Variants in ALCAM observed in about 807,000 individuals in gnomAD.
The protein encoded by ALCAM is CD166 antigen.
In ALCAM, 30 loss-of-function variants were observed where a neutral mutation model predicts 70.9. The ratio of observed to expected loss-of-function variants is 0.42; its 90% CI spans 0.32 to 0.57. The LOEUF is 0.57. Among genes scored for constraint, ALCAM ranks in the 20% least tolerant of loss-of-function variants. The pLI is 0.11. For synonymous variants in ALCAM, 249 were observed against 242.5 expected, an observed-to-expected ratio of 1.03 and a Z score of -0.25; for missense variants, 591 against 695.1, an observed-to-expected ratio of 0.85 and a Z score of 1.68.
intron 1 of ALCAM, among the ~76,000 whole-genome samples, chr3:105,438,575 A>G (rs1329287870): frequency 6.6e-6 from 1 of 152,212 alleles, no homozygotes; most frequent in Non-Finnish European, 1.5e-5. Flanking sequence ...TATTATGCAA[A>G]CATTTTATTA....
intron 1 of ALCAM, among the ~76,000 whole-genome samples, chr3:105,471,917 T>C (rs1289761405): frequency 6.6e-6 from 1 of 151,382 alleles, no homozygotes; most frequent in Admixed American, 6.6e-5. Flanking sequence ...TATAAGTATG[T>C]ATTCTTTGAC....
chr3:105,516,220 C>CA (rs958212719), intron 1 of ALCAM, among the ~76,000 whole-genome samples: 8 of 151,776 alleles, frequency 5.3e-5, no homozygotes, highest in African/African-American at 1.9e-4. Context: ...GTCTATATGT[C>CA]AGGAATGCAA....
chr3:105,574,169 T>C (rs770568203), intron 15 of ALCAM, among the ~76,000 whole-genome samples: 4 of 152,028 alleles, frequency 2.6e-5, no homozygotes, highest in Non-Finnish European at 4.4e-5. Flanking sequence ...TCCCACGAAA[T>C]AGTGTGATTT....
chr3:105,448,698 G>C (rs745434791), intron 1 of ALCAM, among the ~76,000 whole-genome samples: 6 of 152,204 alleles, frequency 3.9e-5, no homozygotes, highest in Non-Finnish European at 5.9e-5. Context: ...TTCAGATGCT[G>C]ACAAGGCAAT....
intron 1 of ALCAM, among the ~76,000 whole-genome samples, chr3:105,411,710 A>G (rs1936394557): frequency 1.3e-5 from 2 of 152,078 alleles, no homozygotes; most frequent in Non-Finnish European, 2.9e-5. Context: ...GATGCTGTGT[A>G]GTCATTTGAA....
intron 1 of ALCAM, among the ~76,000 whole-genome samples, chr3:105,412,579 A>T (rs559710127): frequency 6.6e-6 from 1 of 152,234 alleles, no homozygotes; most frequent in East Asian, 1.9e-4. Flanking sequence ...TGTAATTCAG[A>T]ATCGGAATGT....
At chr3:105,541,252 T>C (rs1940108901) in intron 7 of ALCAM, among the ~76,000 whole-genome samples, 1 of 151,808 alleles carries the variant, frequency 6.6e-6, no homozygotes, top group African/African-American at 2.4e-5. Flanking sequence ...TTTTATGTTT[T>C]TTCTTTTAAT....
chr3:105,384,725 A>G (rs1172364758), intron 1 of ALCAM, among the ~76,000 whole-genome samples: 1 of 151,594 alleles, frequency 6.6e-6, no homozygotes, highest in Non-Finnish European at 1.5e-5. Context: ...ATAGTACTTT[A>G]CGAAAGAATG....
At chr3:105,479,180 A>G (rs1938201240) in intron 1 of ALCAM, among the ~76,000 whole-genome samples, 1 of 152,188 alleles carries the variant, frequency 6.6e-6, no homozygotes, top group South Asian at 2.1e-4. Flanking sequence ...TATGTTTGGT[A>G]AAAACAAAAT....
intron 1 of ALCAM, among the ~76,000 whole-genome samples, chr3:105,429,946 TA>T (rs1490543771): frequency 6.6e-6 from 1 of 151,984 alleles, no homozygotes; most frequent in East Asian, 1.9e-4. Context: ...CCTTACTCAG[TA>T]ATGAAAGTTA....
In ALCAM at chr3:105,367,336, C is replaced by G; in HGVS notation, c.-73C>G. 3 of 1,545,110 alleles carry G rather than the reference C, an allele frequency of 1.9e-6. No homozygotes were observed. The highest frequency in any genetic ancestry group is 2.7e-6 in the Non-Finnish European group (3 of 1,127,278). ...GTCGGGACCCGCCAGCGCGCGGGCA[C>G]CGCGGGGCCCGGGACGACGCCCCCT... is the stretch of plus-strand genomic sequence containing the variant. On this transcript the variant is annotated 5_prime_UTR_variant, in exon 1 of 16. Coordinates refer to ENST00000306107, the MANE Select transcript of ALCAM (RefSeq NM_001627.4).
intron 1 of ALCAM, among the ~76,000 whole-genome samples, chr3:105,436,831 G>A (rs1373537047): frequency 6.6e-6 from 1 of 152,128 alleles, no homozygotes; most frequent in Non-Finnish European, 1.5e-5. Context: ...CTGAGTACTG[G>A]GGAGGAGTGA....
At chr3:105,398,568 TG>T (rs1344770254) in intron 1 of ALCAM, among the ~76,000 whole-genome samples, 5 of 152,144 alleles carry the variant, frequency 3.3e-5, no homozygotes, top group African/African-American at 1.2e-4. Flanking sequence ...TTAAATGTGA[TG>T]GCCAGTGGTT....
At chr3:105,389,783 G>C (rs1245653428) in intron 1 of ALCAM, among the ~76,000 whole-genome samples, 20 of 147,368 alleles carry the variant, frequency 1.4e-4, no homozygotes, top group African/African-American at 5.0e-4. Context: ...CCCCCTCCCT[G>C]TGTCCATGTG....
At position 105,547,203 on chromosome 3, in the gene ALCAM, G is replaced by A. The variant is rs1940270650; in HGVS notation, c.1159G>A (p.Ala387Thr). 1.9e-6 allele frequency: 3 copies of A among 1,608,106 alleles called. No individual in the cohort carries two copies. Among genetic ancestry groups the A allele is most frequent in the Non-Finnish European group, 1.7e-6 (2 of 1,176,832 alleles). ...PSFSSLHYQD[A>T]GNYVCETALQ... ...ATTTTCTAGTCTTCATTATCAGGAT[G>A]CTGGAAACTATGTCTGCGAAACTGC... Residue 387 changes from alanine to threonine, a missense_variant, in exon 10 of 16, where the codon GCT (alanine) becomes ACT (threonine). Physicochemically the swap from Ala to Thr is moderately conservative, Grantham distance 58 (BLOSUM62 0). This residue lies in a region of ALCAM where 164 missense variants were observed against 244.7 expected (regional missense o/e 0.67). Coordinates refer to ENST00000306107, the MANE Select transcript of ALCAM (RefSeq NM_001627.4).
intron 8 of ALCAM, among the ~76,000 whole-genome samples, chr3:105,541,973 A>G (rs1940128269): frequency 2.0e-5 from 3 of 151,894 alleles, no homozygotes; most frequent in African/African-American, 7.2e-5. Context: ...TGATAACCGC[A>G]ACTTTTGGCA....
intron 1 of ALCAM, among the ~76,000 whole-genome samples, chr3:105,422,739 A>ATGAAAT (rs1461929112): frequency 2.0e-5 from 3 of 151,472 alleles, no homozygotes; most frequent in Non-Finnish European, 4.4e-5. Context: ...ACTGATAATA[A>ATGAAAT]TGAAATTATG....
In ALCAM at chr3:105,563,454, TTC is replaced by T. The variant is rs1451431936; in HGVS notation, c.1665-8394_1665-8393del. On this transcript the variant is annotated intron_variant, in intron 14 of 15. Coordinates refer to ENST00000306107, the MANE Select transcript of ALCAM (RefSeq NM_001627.4). Reference sequence around the variant, plus strand: ...TCTTTACATTTCCACTTTTTCTCCTTTCTCTGATTTCTTGAAATAAAAATTTT... The same window carrying T: ...TCTTTACATTTCCACTTTTTCTCCTTTCTGATTTCTTGAAATAAAAATTTT... Among the ~76,000 whole-genome samples the T allele has an allele frequency of 2.6e-5, 4 of 151,630 alleles. No individual in the cohort carries two copies. The East Asian group carries it at 5.8e-4, about 22-fold the overall frequency.
intron 1 of ALCAM, among the ~76,000 whole-genome samples, chr3:105,426,017 G>A (rs1244634451): frequency 6.6e-6 from 1 of 151,732 alleles, no homozygotes; most frequent in Non-Finnish European, 1.5e-5. Flanking sequence ...GCTAGCTTTA[G>A]GTCACAGCAA....
Sources: allele counts gnomAD v4.1 joint callset (sites outside exome capture counted in the v4.1 genomes callset), GRCh38; gene constraint gnomAD v4.1.1; regional missense constraint gnomAD v4.1.1; transcripts MANE v1.5; gene names NCBI Gene and HGNC (gene_info 2026-07-23, HGNC 2026-07-21).